Variants in ZNF66 observed in about 807,000 individuals in gnomAD.
The protein encoded by ZNF66 is zinc finger protein 66.
ZNF66 carries 32 observed loss-of-function variants against 35.2 expected under a neutral mutation model. The observed-to-expected ratio is 0.91, with a 90% confidence interval of 0.69 to 1.22. ZNF66 has a LOEUF of 1.22. Ranked by LOEUF, ZNF66 falls within the 50% of genes most tolerant of loss-of-function variation. ZNF66 has a pLI of 0.00. For missense variants in ZNF66, 666 were observed against 543.1 expected (o/e 1.23, Z -2.25); for synonymous variants, 231 against 181.3 (o/e 1.27, Z -2.20).
At chr19:20,796,388 C>T (rs936310514) in intron 3 of ZNF66, among the ~76,000 whole-genome samples, 3 of 151,958 alleles carry the variant, frequency 2.0e-5, no homozygotes, top group South Asian at 2.1e-4. Flanking sequence ...GCATGGTATG[C>T]CTGAAGTAAA....
intron 3 of ZNF66, among the ~76,000 whole-genome samples, chr19:20,804,343 A>C (rs1351597346): frequency 6.6e-6 from 1 of 152,064 alleles, no homozygotes; most frequent in African/African-American, 2.4e-5. Context: ...TCCCAGGTTC[A>C]AGCAATTCTC....
chr19:20,789,623 T>C (rs1971318102), intron 1 of ZNF66, among the ~76,000 whole-genome samples: 1 of 152,212 alleles, frequency 6.6e-6, no homozygotes, highest in African/African-American at 2.4e-5. Context: ...AACCTCTTTC[T>C]TTCTGTATCT....
At chr19:20,779,868 TA>T (rs1199982378) in intron 1 of ZNF66, among the ~76,000 whole-genome samples, 9 of 149,122 alleles carry the variant, frequency 6.0e-5, no homozygotes, top group African/African-American at 2.2e-4. Context: ...GTAAATGTTG[TA>T]CTGAGCTGAG....
intron 3 of ZNF66, chr19:20,794,179 G>A: frequency 2.5e-6 from 1 of 394,358 alleles, no homozygotes; most frequent in Non-Finnish European, 4.7e-6. Context: ...CAATCCAGCT[G>A]CTTTTTCATT....
At chr19:20,802,258 G>A (rs1420463909) in intron 3 of ZNF66, among the ~76,000 whole-genome samples, 1 of 152,098 alleles carries the variant, frequency 6.6e-6, no homozygotes, top group African/African-American at 2.4e-5. Context: ...CTTCAAAAAT[G>A]CAATGAGACA....
chr19:20,778,136 CCG>C (rs1316682387), intron 1 of ZNF66, among the ~76,000 whole-genome samples: 1 of 152,154 alleles, frequency 6.6e-6, no homozygotes, highest in Non-Finnish European at 1.5e-5. Context: ...GAGTCTCACT[CCG>C]TCACCAGGTT....
chr19:20,796,254 T>C (rs1971391853), intron 3 of ZNF66, among the ~76,000 whole-genome samples: 1 of 151,874 alleles, frequency 6.6e-6, no homozygotes. Flanking sequence ...AGTATGAAAA[T>C]AGGGACTTTT....
At position 20,806,375 on chromosome 19, in the gene ZNF66, T is replaced by A; in HGVS notation, c.775T>A (p.Cys259Ser). Reference sequence around the variant, plus strand: ...TCATACTGGAGAGAAACCCTACAAATGTGAAGAATGTGGCAAGGCCTTTAA... The same window carrying A: ...TCATACTGGAGAGAAACCCTACAAAAGTGAAGAATGTGGCAAGGCCTTTAA... The part of the protein sequence containing the change: ...KIHTGEKPYK[C>S]EECGKAFKRS... Residue 259 changes from cysteine (C) to serine (S), a missense_variant, in exon 4 of 4, where the codon TGT becomes AGT. Coordinates refer to ENST00000344519, the MANE Select transcript of ZNF66 (RefSeq NM_001355197.2). 6.4e-7 allele frequency: 1 copy of A among 1,570,250 alleles called. No homozygotes were observed. Among genetic ancestry groups the A allele is most frequent in the Non-Finnish European group, 8.8e-7 (1 of 1,141,266 alleles).
chr19:20,794,306 T>G (rs1191233616), intron 3 of ZNF66: 2 of 181,138 alleles, frequency 1.1e-5, no homozygotes, highest in African/African-American at 2.4e-5. Flanking sequence ...CATTTTTTTT[T>G]GTTCATTTTT....
intron 3 of ZNF66, among the ~76,000 whole-genome samples, chr19:20,798,688 C>T (rs1599552856): frequency 6.6e-6 from 1 of 152,322 alleles, no homozygotes; most frequent in Admixed American, 6.5e-5. Flanking sequence ...TCATTTTACA[C>T]TCTTTCCAGC....
At position 20,806,721 on chromosome 19, in the gene ZNF66, GTGGTGAAGCCT is replaced by G. The variant is rs1324371976; in HGVS notation, c.1123_1133del (p.Gly375Ter). On this transcript the variant is annotated frameshift_variant, in exon 4 of 4. Coordinates refer to ENST00000344519, the MANE Select transcript of ZNF66 (RefSeq NM_001355197.2). LOFTEE classifies it high-confidence loss of function. ...GAGAAACCCTACAAATGTGAAGAAT[GTGGTGAAGCCT>G]TTAAGTACTCCTGTTCCCTTACTGC... The G allele has an allele frequency of 4.2e-6, 6 of 1,427,202 alleles. No individual in the cohort carries two copies. The African/African-American group carries it at 8.4e-5, about 20-fold the overall frequency. The allele number at this position is 1,427,202 out of a possible 1,614,324, so 88.4% of individuals were successfully genotyped here.
intron 1 of ZNF66, among the ~76,000 whole-genome samples, chr19:20,787,633 T>C (rs1421558188): frequency 6.6e-6 from 1 of 152,202 alleles, no homozygotes; most frequent in South Asian, 2.1e-4. Context: ...ATTGACCTGC[T>C]ACAGTGATGT....
At position 20,809,019 on chromosome 19, in the gene ZNF66, A is replaced by G. The variant is rs1971558639; in HGVS notation, c.*1697A>G. Among the ~76,000 whole-genome samples the G allele has an allele frequency of 6.6e-6, 1 of 152,236 alleles. No homozygotes were observed. The highest frequency in any genetic ancestry group is 2.4e-5 in the African/African-American group (1 of 41,474). On this transcript the variant is annotated 3_prime_UTR_variant, in exon 4 of 4. Transcript: ENST00000344519. ...CTGATGGAGCTGAAAGCCAAGGATC[A>G]AGAACTACGTGAAGAATGCAGAAGC... is the stretch of plus-strand genomic sequence containing the variant.
At chr19:20,792,438 C>T (rs937791131) in intron 1 of ZNF66, 74 bp from the exon 2 acceptor site, 112 of 1,308,570 alleles carry the variant, frequency 8.6e-5, no homozygotes, top group Middle Eastern at 3.8e-4. Flanking sequence ...TTTACTCTCT[C>T]ATTTCACCTT....
In ZNF66 at chr19:20,808,538, G is replaced by C. The variant is rs1971550429; in HGVS notation, c.*1216G>C. On this transcript the variant is annotated 3_prime_UTR_variant, in exon 4 of 4. Coordinates refer to ENST00000344519, the MANE Select transcript of ZNF66 (RefSeq NM_001355197.2). ...TCAGGCAGCAGCATTTGTGGTTCAT[G>C]AAAATCCGCTGTTCTACAGCCACTG... Among the ~76,000 whole-genome samples the C allele has an allele frequency of 6.6e-6, 1 of 152,150 alleles. No individual in the cohort carries two copies. Among genetic ancestry groups the C allele is most frequent in the African/African-American group, 2.4e-5 (1 of 41,436 alleles).
At position 20,789,149 on chromosome 19, in the gene ZNF66, A is replaced by G. The variant is rs1971313901; in HGVS notation, c.4-3363A>G. Among the ~76,000 whole-genome samples the G allele has an allele frequency of 2.0e-5, 3 of 152,202 alleles. No individual in the cohort carries two copies. In the South Asian group the frequency reaches 6.2e-4, roughly 32 times the overall value. On this transcript the variant is annotated intron_variant, in intron 1 of 3. Coordinates refer to ENST00000344519, the MANE Select transcript of ZNF66 (RefSeq NM_001355197.2). ...GTTGACAGGGCAGTGGCTAGAAAAT[A>G]TTAAAATTACAGAAATTCTGGGATT...
At chr19:20,789,061 A>AG (rs1197670888) in intron 1 of ZNF66, among the ~76,000 whole-genome samples, 1 of 152,134 alleles carries the variant, frequency 6.6e-6, no homozygotes, top group African/African-American at 2.4e-5. Context: ...TTTAAAAAAA[A>AG]AAAAGTTACC....
In ZNF66 at chr19:20,806,783, A is replaced by C; in HGVS notation, c.1183A>C (p.Lys395Gln). ...TAHKIIHTGK[K>Q]PYKCEECGKV... ...ACATAAGATAATTCATACTGGAAAG[A>C]AACCTTACAAATGTGAAGAATGTGG... The change falls in exon 4 of 4, where the codon AAA becomes CAA. Residue 395 changes from lysine (K) to glutamine (Q), a missense_variant. Lys to Gln is a moderately conservative substitution (Grantham distance 53). Coordinates refer to ENST00000344519, the MANE Select transcript of ZNF66 (RefSeq NM_001355197.2). 1 of 1,318,670 alleles carries C rather than the reference A, an allele frequency of 7.6e-7. No homozygotes were observed. The highest frequency in any genetic ancestry group is 1.8e-4 in the Middle Eastern group (1 of 5,474). 81.7% of individuals were successfully genotyped at this position (1,318,670 alleles called of 1,614,324 possible). A position where few individuals can be genotyped will look rare whatever the true frequency, so the allele number is the denominator to read the frequency against.
At chr19:20,794,132 G>T in intron 3 of ZNF66, 1 of 557,552 alleles carries the variant, frequency 1.8e-6, no homozygotes, top group South Asian at 1.8e-5. Flanking sequence ...TTCACAGTGA[G>T]AGCCAAAGTC....
Sources: gnomAD v4.1 joint callset for allele counts (sites outside exome capture counted in the v4.1 genomes callset) on GRCh38, gnomAD v4.1.1 for gene constraint, MANE v1.5 for transcripts, NCBI Gene and HGNC (gene_info 2026-07-23, HGNC 2026-07-21) for gene names.